CFI: variants seen among roughly 807,000 people sequenced by gnomAD.
CFI encodes C3B/C4B inactivator.
CFI carries 66 observed loss-of-function variants against 78.8 expected under a neutral mutation model. The observed-to-expected ratio is 0.84, with a 90% confidence interval of 0.69 to 1.03. The LOEUF (loss-of-function observed/expected upper bound fraction) is 1.03. Among genes scored for constraint, CFI ranks in the 50% least tolerant of loss-of-function variants. The probability of loss-of-function intolerance (pLI) is 0.00; values close to 1 mark genes in which losing one functional copy is unlikely to be tolerated. For missense variants in CFI, 706 were observed against 704.5 expected (o/e 1.00, Z -0.02); for synonymous variants, 250 against 232.6 (o/e 1.07, Z -0.68).
At chr4:109,772,532 A>G (rs778306679) in intron 1 of CFI, among the ~76,000 whole-genome samples, 3 of 151,818 alleles carry the variant, frequency 2.0e-5, no homozygotes, top group Non-Finnish European at 2.9e-5. Flanking sequence ...AATAACAACT[A>G]CTATTATGTG....
At chr4:109,777,442 T>C (rs1048153542) in intron 1 of CFI, among the ~76,000 whole-genome samples, 4 of 152,176 alleles carry the variant, frequency 2.6e-5, no homozygotes, top group Non-Finnish European at 5.9e-5. Flanking sequence ...CTATCCTGAA[T>C]ATATATGTAC....
At chr4:109,775,099 G>A (rs1251141397) in intron 1 of CFI, among the ~76,000 whole-genome samples, 2 of 152,128 alleles carry the variant, frequency 1.3e-5, no homozygotes, top group African/African-American at 2.4e-5. Context: ...CAGTGTGAGC[G>A]ACGCAGAAGA....
intron 7 of CFI, among the ~76,000 whole-genome samples, chr4:109,752,862 G>GTA (rs1274287840): frequency 1.0e-3 from 129 of 128,698 alleles, no homozygotes; most frequent in African/African-American, 3.5e-3. Context: ...AGGGTGTTTT[G>GTA]TATATATATA....
chr4:109,756,848 A>G lies in CFI; in HGVS notation c.904+915T>C, dbSNP rs114864828. ...CACTCCAGCCTGGGCTACAAGACCG[A>G]GTACAAGACCGAGACTCCGTCTCGA... On this transcript the variant is annotated intron_variant, in intron 7 of 12. Coordinates refer to ENST00000394634, the MANE Select transcript of CFI (RefSeq NM_000204.5). 3.4e-3 allele frequency among the ~76,000 whole-genome samples: 501 copies of G among 149,228 alleles called. 4 individuals carry two copies. Among genetic ancestry groups the G allele is most frequent in the African/African-American group, 0.012 (469 of 40,258 alleles).
chr4:109,793,326 G>A (rs904969321), intron 1 of CFI: 5 of 152,120 alleles, frequency 3.3e-5, no homozygotes, highest in East Asian at 1.9e-4. Flanking sequence ...AATTAGAATC[G>A]TTTTATATAG....
intron 1 of CFI, among the ~76,000 whole-genome samples, chr4:109,770,352 G>A (rs1158754195): frequency 6.6e-6 from 1 of 151,976 alleles, no homozygotes; most frequent in Admixed American, 6.6e-5. Context: ...TTGAGGTCGG[G>A]AGTTTGAGAC....
intron 1 of CFI, chr4:109,794,238 T>C (rs1008140871): frequency 1.3e-5 from 2 of 152,196 alleles, no homozygotes; most frequent in African/African-American, 4.8e-5. Context: ...ACTTTCTTAT[T>C]TTCTCCTTCT....
At chr4:109,741,316 C>T (rs968646268) in intron 12 of CFI, 53 of 985,264 alleles carry the variant, frequency 5.4e-5, no homozygotes, top group Non-Finnish European at 6.0e-5. Flanking sequence ...TATTTATTCC[C>T]CCAATTCAGC....
At chr4:109,773,322 T>C (rs185683302) in intron 1 of CFI, among the ~76,000 whole-genome samples, 193 of 152,198 alleles carry the variant, frequency 1.3e-3, no homozygotes, top group Admixed American at 2.9e-3. Context: ...AGTCAGGAGA[T>C]AGAGACCATC....
chr4:109,733,298 A>G, the CFI span, among the ~76,000 whole-genome samples: 1 of 152,196 alleles, frequency 6.6e-6, no homozygotes, highest in Non-Finnish European at 1.5e-5. Context: ...TAGATGACCC[A>G]CTTCCATCTT....
In CFI at chr4:109,761,682, T is replaced by C; in HGVS notation, c.493A>G (p.Thr165Ala). The stretch of plus-strand genomic sequence containing the variant: ...TCAGACAACTTAAACCTTCTTTGAG[T>C]ATCAGCACCTCTGCAAATAGAATAA... ...LDLGFQQGAD[T>A]QRRFKLSDLS... Residue 165 changes from threonine to alanine, a missense_variant, in exon 4 of 13, where the codon ACT becomes GCT. Thr to Ala is a moderately conservative substitution (Grantham distance 58). Coordinates refer to ENST00000394634, the MANE Select transcript of CFI (RefSeq NM_000204.5). 2 of 1,611,238 alleles carry C rather than the reference T, an allele frequency of 1.2e-6. No homozygotes were observed. The highest frequency in any genetic ancestry group is 1.7e-6 in the Non-Finnish European group (2 of 1,177,752).
intron 1 of CFI, among the ~76,000 whole-genome samples, chr4:109,788,010 C>G (rs993263876): frequency 6.6e-6 from 1 of 152,038 alleles, no homozygotes; most frequent in Non-Finnish European, 1.5e-5. Flanking sequence ...CACTTAACAG[C>G]TCTTTGTGAG....
intron 7 of CFI, among the ~76,000 whole-genome samples, chr4:109,753,056 T>A (rs368829612): frequency 1.9e-3 from 15 of 7,738 alleles, no homozygotes; most frequent in South Asian, 4.7e-3. Flanking sequence ...TATTATATAT[T>A]TATATATAAA....
chr4:109,731,505 A>T, the CFI span, among the ~76,000 whole-genome samples: 1 of 152,196 alleles, frequency 6.6e-6, no homozygotes, highest in Non-Finnish European at 1.5e-5. Context: ...CTCTTTATTG[A>T]GTGCTTACTA....
Position 109,760,644 on chromosome 4 carries a change from G to A in CFI, c.659-8C>T. ...AGTCATCCATTGGAGAATCTGTAAA[G>A]CAGGAATTATCTTTGTGAAATTTAT... On this transcript the variant is annotated splice_region_variant and splice_polypyrimidine_tract_variant and intron_variant, in intron 4 of 12. Coordinates refer to ENST00000394634, the MANE Select transcript of CFI (RefSeq NM_000204.5). 6.8e-7 allele frequency: 1 copy of A among 1,472,644 alleles called. No individual in the cohort carries two copies. Among genetic ancestry groups the A allele is most frequent in the Non-Finnish European group, 9.5e-7 (1 of 1,051,210 alleles). 91.2% of individuals were successfully genotyped at this position (1,472,644 alleles called of 1,614,324 possible). A position where few individuals can be genotyped will look rare whatever the true frequency, so the allele number is the denominator to read the frequency against.
intron 2 of CFI, 131 bp downstream of exon 2, chr4:109,766,417 AATTATT>A (rs1184098197): frequency 6.5e-6 from 6 of 919,436 alleles, no homozygotes; most frequent in Non-Finnish European, 1.0e-5. Flanking sequence ...TGATTACTCC[AATTATT>A]ATTGAGAGTC....
chr4:109,766,025 G>A (rs942548821), intron 2 of CFI, among the ~76,000 whole-genome samples: 5 of 152,098 alleles, frequency 3.3e-5, no homozygotes, highest in African/African-American at 1.2e-4. Flanking sequence ...GGCTGAGGCA[G>A]GAGAATGGCA....
chr4:109,776,578 C>T (rs924472211), intron 1 of CFI, among the ~76,000 whole-genome samples: 1 of 152,182 alleles, frequency 6.6e-6, no homozygotes, highest in African/African-American at 2.4e-5. Flanking sequence ...ACTTCCCCAA[C>T]CTAGCAAGGC....
chr4:109,775,069 C>T (rs28527183), intron 1 of CFI, among the ~76,000 whole-genome samples: 1,674 of 152,190 alleles, frequency 0.011, 23 homozygotes, highest in African/African-American at 0.039. Context: ...CAAATAGGAA[C>T]AGCTCCAGTC....
Sources: gnomAD v4.1 joint callset for allele counts (sites outside exome capture counted in the v4.1 genomes callset) on GRCh38, gnomAD v4.1.1 for gene constraint, MANE v1.5 for transcripts, NCBI Gene and HGNC (gene_info 2026-07-23, HGNC 2026-07-21) for gene names.